Variants in EDEM2 observed in about 807,000 individuals in gnomAD.
The protein encoded by EDEM2 is ER degradation-enhancing alpha-mannosidase-like protein 2.
In EDEM2, 39 loss-of-function variants were observed where a neutral mutation model predicts 64.8. The ratio of observed to expected loss-of-function variants is 0.60; its 90% CI spans 0.47 to 0.79. The LOEUF (loss-of-function observed/expected upper bound fraction) is 0.79, where lower values mean the gene tolerates loss of function less well. Among genes scored for constraint, EDEM2 ranks in the 30% least tolerant of loss-of-function variants. EDEM2 has a pLI of 0.00. For synonymous variants in EDEM2, 296 were observed against 291.5 expected (o/e 1.02, Z -0.16); for missense variants, 609 against 731.3 (o/e 0.83, Z 1.93).
chr20:35,118,822 A>G, intron 9 of EDEM2, 103 bp from the exon 10 acceptor site: 1 of 1,513,086 alleles, frequency 6.6e-7, no homozygotes, highest in East Asian at 2.3e-5. Flanking sequence ...TCTTGTCCAT[A>G]AGGCCCCAAC....
rs759767165 is a variant in EDEM2 at position 35,134,882 on chromosome 20, C to T, written c.558G>A (p.Glu186=). Residue 186 remains glutamate (E), a synonymous_variant, in exon 6 of 11, where the codon GAG becomes GAA. Transcript: ENST00000374492. ...VNLLHGVNPG[E]TPVTCTAGIG... ...TCCCTGCCGTACAGGTGACAGGGGTCTCTCCTGGGTTCACGCCATGAAGTA... is the reference window on the plus strand; with the variant it reads ...TCCCTGCCGTACAGGTGACAGGGGTTTCTCCTGGGTTCACGCCATGAAGTA... The T allele has an allele frequency of 6.2e-7, 1 of 1,614,198 alleles. No homozygotes were observed. The highest frequency in any genetic ancestry group is 1.1e-5 in the South Asian group (1 of 91,082).
At chr20:35,146,721 T>G in intron 2 of EDEM2, 104 bp downstream of exon 2, 1 of 1,252,698 alleles carries the variant, frequency 8.0e-7, no homozygotes, top group Non-Finnish European at 1.1e-6. Context: ...GGGAGCTTTC[T>G]GGTGCCGGTG....
chr20:35,131,572 A>C (rs2085505749), intron 7 of EDEM2, 70 bp downstream of exon 7: 1 of 1,575,258 alleles, frequency 6.3e-7, no homozygotes. Context: ...TCTCAAAAAA[A>C]AGTTTTTAAA....
chr20:35,115,750 T>C lies in EDEM2; in HGVS notation c.1420A>G (p.Asn474Asp). The C allele has an allele frequency of 1.2e-6, 2 of 1,614,154 alleles. No individual in the cohort carries two copies. Among genetic ancestry groups the C allele is most frequent in the Non-Finnish European group, 1.7e-6 (2 of 1,180,020 alleles). ...GGGTCGATGGGGTGAGCTTCTGTGT[T>C]GAAGATGTACCCCCCAGCCCCCAGG... ...CILGAGGYIF[N>D]TEAHPIDPAA... The change falls in exon 11 of 11, where the codon AAC (asparagine) becomes GAC (aspartate). Residue 474 changes from asparagine (N) to aspartate (D), a missense_variant. By Grantham distance (23) the Asn-to-Asp change is conservative. Coordinates refer to ENST00000374492, the MANE Select transcript of EDEM2 (RefSeq NM_018217.3).
intron 10 of EDEM2, 162 bp downstream of exon 10, chr20:35,118,436 C>G: frequency 9.4e-7 from 1 of 1,061,402 alleles, no homozygotes; most frequent in Non-Finnish European, 1.4e-6. Flanking sequence ...CTTAGCTTCT[C>G]TGTTCTTTGG....
rs778303469 is a variant in EDEM2, at chr20:35,118,755, G to A, written c.1115-36C>T. 4.3e-6 allele frequency: 7 copies of A among 1,609,644 alleles called. No individual in the cohort carries two copies. In the Admixed American group the frequency reaches 1.0e-4, roughly 23 times the overall value. ...CAAAGCAGACCCTCCTCACTCAGTGGCTGCACAGAGATGGCCTGGGGCCTC... is the reference window on the plus strand; with the variant it reads ...CAAAGCAGACCCTCCTCACTCAGTGACTGCACAGAGATGGCCTGGGGCCTC... On this transcript the variant is annotated intron_variant, in intron 9 of 10. Coordinates refer to ENST00000374492, the MANE Select transcript of EDEM2 (RefSeq NM_018217.3).
At chr20:35,145,165 G>T in intron 2 of EDEM2, 147 bp from the exon 3 acceptor site, 1 of 798,194 alleles carries the variant, frequency 1.3e-6, no homozygotes, top group Non-Finnish European at 2.0e-6. Flanking sequence ...AGAAACCACA[G>T]TGAAAATCGC....
At chr20:35,126,755 A>G (rs1261388168) in intron 7 of EDEM2, among the ~76,000 whole-genome samples, 2 of 152,124 alleles carry the variant, frequency 1.3e-5, no homozygotes, top group African/African-American at 4.8e-5. Context: ...TCTACTAAAA[A>G]TACAAAATTA....
At chr20:35,145,156 G>A (rs1406639399) in intron 2 of EDEM2, 138 bp from the exon 3 acceptor site, 2 of 835,894 alleles carry the variant, frequency 2.4e-6, no homozygotes. Flanking sequence ...TCACAACAGA[G>A]AAACCACAGT....
chr20:35,118,645 C>T lies in EDEM2; in HGVS notation c.1189G>A (p.Val397Met). ...TTGCTGATTTTTTCAATGGATTCCA[C>T]AGCATCTCTTCCGAGTTCTAGGAGG... The part of the protein sequence containing the change: ...PTLLELGRDA[V>M]ESIEKISKVE... Residue 397 changes from valine to methionine, a missense_variant, in exon 10 of 11, where the codon GTG (valine) becomes ATG (methionine). Coordinates refer to ENST00000374492, the MANE Select transcript of EDEM2 (RefSeq NM_018217.3). The T allele has an allele frequency of 6.2e-7, 1 of 1,613,996 alleles. No individual in the cohort carries two copies. Among genetic ancestry groups the T allele is most frequent in the Non-Finnish European group, 8.5e-7 (1 of 1,179,992 alleles).
At chr20:35,126,898 G>A (rs1228252823) in intron 7 of EDEM2, among the ~76,000 whole-genome samples, 2 of 152,088 alleles carry the variant, frequency 1.3e-5, no homozygotes, top group Non-Finnish European at 2.9e-5. Flanking sequence ...GGCAACAAGA[G>A]TGAAACTCCA....
intron 9 of EDEM2, among the ~76,000 whole-genome samples, chr20:35,122,610 G>A (rs2085382967): frequency 6.6e-6 from 1 of 152,100 alleles, no homozygotes; most frequent in Non-Finnish European, 1.5e-5. Context: ...CTGACTTCAG[G>A]TGATCCACCT....
intron 4 of EDEM2, among the ~76,000 whole-genome samples, chr20:35,140,599 A>T (rs531814157): frequency 6.6e-6 from 1 of 152,332 alleles, no homozygotes; most frequent in South Asian, 2.1e-4. Flanking sequence ...TAACTGTAGC[A>T]TATAGGTCAG....
At chr20:35,132,865 G>C (rs1347786912) in intron 6 of EDEM2, among the ~76,000 whole-genome samples, 1 of 152,088 alleles carries the variant, frequency 6.6e-6, no homozygotes, top group African/African-American at 2.4e-5. Flanking sequence ...ATATGGCTTA[G>C]ACCCTCATGG....
In EDEM2 at chr20:35,144,955, AAAAG is replaced by A. The variant is rs759813327; in HGVS notation, c.258+20_258+23del. 1.2e-6 allele frequency: 2 copies of A among 1,613,490 alleles called. No homozygotes were observed. The highest frequency in any genetic ancestry group is 3.3e-5 in the Admixed American group (2 of 59,976). ...TGTTGGTTATGTAACAGTGGAAAGG[AAAAG>A]AAACAGACGAGATACTTACCAGCAA... On this transcript the variant is annotated intron_variant, in intron 3 of 10. Transcript: ENST00000374492.
chr20:35,142,343 C>T (rs1465328762), intron 4 of EDEM2, 30 bp downstream of exon 4: 1 of 1,559,252 alleles, frequency 6.4e-7, no homozygotes, highest in African/African-American at 1.4e-5. Context: ...ACTCTTTTTT[C>T]TTTTAAAGGT....
chr20:35,133,225 T>C (rs866306316), intron 6 of EDEM2, among the ~76,000 whole-genome samples: 30 of 152,186 alleles, frequency 2.0e-4, no homozygotes, highest in Middle Eastern at 3.4e-3. Context: ...GAGCTACTCA[T>C]GGGTAGCATT....
chr20:35,134,207 T>C (rs1414872037), intron 6 of EDEM2: 1 of 451,112 alleles, frequency 2.2e-6, no homozygotes, highest in Non-Finnish European at 4.4e-6. Context: ...AAATGTTAAA[T>C]TAAACAAAGT....
intron 4 of EDEM2, among the ~76,000 whole-genome samples, chr20:35,138,278 T>C (rs1275531991): frequency 1.3e-5 from 2 of 152,222 alleles, no homozygotes; most frequent in Non-Finnish European, 2.9e-5. Flanking sequence ...TTTCTTCTCT[T>C]GGTTCATCAC....
Sources: allele counts gnomAD v4.1 joint callset (sites outside exome capture counted in the v4.1 genomes callset), GRCh38; gene constraint gnomAD v4.1.1; transcripts MANE v1.5; gene names NCBI Gene and HGNC (gene_info 2026-07-23, HGNC 2026-07-21).